The following PEPD variants were observed in gnomAD, a reference collection of about 807,000 sequenced individuals.
PEPD encodes the protein peptidase D.
A neutral mutation model predicts 60.7 loss-of-function variants in PEPD; 53 were observed. The ratio of observed to expected loss-of-function variants is 0.87; its 90% CI spans 0.70 to 1.10. PEPD has a LOEUF of 1.10. PEPD is among the 50% of genes least tolerant of loss of function. The pLI, the probability that PEPD is intolerant of heterozygous loss-of-function variation, is 0.00. For synonymous variants in PEPD, 267 were observed against 284.1 expected (o/e 0.94, Z 0.60); for missense variants, 711 against 711.9 (o/e 1.00, Z 0.01).
At chr19:33,521,656 C>G in intron 1 of PEPD, 88 bp downstream of exon 1, 1 of 1,404,470 alleles carries the variant, frequency 7.1e-7, no homozygotes, top group Non-Finnish European at 9.8e-7. Context: ...TCAGCGACCC[C>G]GGCTGACGCT....
At chr19:33,450,397 G>A (rs1969676301) in intron 9 of PEPD, among the ~76,000 whole-genome samples, 1 of 152,180 alleles carries the variant, frequency 6.6e-6, no homozygotes, top group South Asian at 2.1e-4. Context: ...TAAGCATCCA[G>A]GGCAAGAAAA....
Position 33,387,269 on chromosome 19 carries a change from T to G in PEPD, c.*75A>C, listed in dbSNP as rs1384545479. On this transcript the variant is annotated 3_prime_UTR_variant, in exon 15 of 15. Coordinates refer to ENST00000244137, the MANE Select transcript of PEPD (RefSeq NM_000285.4). Reference sequence around the variant, plus strand: ...GTGCCGTCTCTCGCTACTGGAGTGCTGACCAGCAGGCTGCCCATCACGAAA... The same window carrying G: ...GTGCCGTCTCTCGCTACTGGAGTGCGGACCAGCAGGCTGCCCATCACGAAA... 5.6e-5 allele frequency: 88 copies of G among 1,575,324 alleles called. No homozygotes were observed. The highest frequency in any genetic ancestry group is 6.8e-5 in the Non-Finnish European group (78 of 1,150,938).
At chr19:33,466,798 A>T (rs1329463977) in intron 7 of PEPD, among the ~76,000 whole-genome samples, 1 of 152,130 alleles carries the variant, frequency 6.6e-6, no homozygotes, top group East Asian at 1.9e-4. Flanking sequence ...TAATAAAAAA[A>T]CCATTCTTTA....
chr19:33,400,734 A>C (rs1968467817), intron 12 of PEPD, among the ~76,000 whole-genome samples: 1 of 152,150 alleles, frequency 6.6e-6, no homozygotes, highest in African/African-American at 2.4e-5. Context: ...ACATGAGAAG[A>C]CCACATCCCT....
chr19:33,395,235 T>G (rs886115825), intron 12 of PEPD: 6 of 152,442 alleles, frequency 3.9e-5, no homozygotes, highest in African/African-American at 1.4e-4. Context: ...CCCCTTCCTG[T>G]ACTTTGAGAA....
intron 1 of PEPD, among the ~76,000 whole-genome samples, chr19:33,517,001 A>G (rs2145362866): frequency 1.1e-3 from 1 of 900 alleles, no homozygotes; most frequent in East Asian, 0.038. Context: ...GCAACATGGC[A>G]AAACCCCCAT....
chr19:33,404,509 G>A (rs2145352144), intron 11 of PEPD, among the ~76,000 whole-genome samples: 1 of 152,248 alleles, frequency 6.6e-6, no homozygotes, highest in African/African-American at 2.4e-5. Flanking sequence ...CCCGAACAAT[G>A]AAATCATCTA....
At chr19:33,402,017 G>A in intron 11 of PEPD, 148 bp from the exon 12 acceptor site, 5 of 761,166 alleles carry the variant, frequency 6.6e-6, no homozygotes, top group Non-Finnish European at 9.2e-6. Context: ...GTGGGGAACT[G>A]CCACCTGGTG....
chr19:33,403,026 C>G (rs186117405), intron 11 of PEPD, among the ~76,000 whole-genome samples: 1 of 152,202 alleles, frequency 6.6e-6, no homozygotes, highest in Non-Finnish European at 1.5e-5. Context: ...TCCCGCTCAT[C>G]CTGTGGTGTG....
intron 14 of PEPD, 68 bp from the exon 15 acceptor site, chr19:33,387,549 C>A: frequency 1.3e-6 from 2 of 1,588,938 alleles, no homozygotes; most frequent in East Asian, 4.5e-5. Context: ...GGGCCGGGCC[C>A]ATTCCAGGCC....
At chr19:33,458,077 T>C (rs1022795076) in intron 9 of PEPD, among the ~76,000 whole-genome samples, 1 of 151,924 alleles carries the variant, frequency 6.6e-6, no homozygotes, top group African/African-American at 2.4e-5. Flanking sequence ...GTATGGTGTG[T>C]AGTGTGTGTA....
At position 33,387,493 on chromosome 19, in the gene PEPD, C is replaced by A; in HGVS notation, c.1345-12G>T. ...TCCTCGATGCGGACCTGGGTCAAGC[C>A]GACAGACACACATTATCATAGAGCA... On this transcript the variant is annotated splice_polypyrimidine_tract_variant and intron_variant, in intron 14 of 14. Transcript: ENST00000244137. 6.2e-7 allele frequency: 1 copy of A among 1,613,162 alleles called. No homozygotes were observed. The highest frequency in any genetic ancestry group is 8.5e-7 in the Non-Finnish European group (1 of 1,180,034).
intron 9 of PEPD, among the ~76,000 whole-genome samples, chr19:33,458,281 T>C: frequency 6.7e-6 from 1 of 149,588 alleles, no homozygotes; most frequent in South Asian, 2.1e-4. Flanking sequence ...TGGCATCAGA[T>C]GTGTGGTGAG....
In PEPD at chr19:33,493,311, C is replaced by G. The variant is rs1970535531; in HGVS notation, c.420G>C (p.Lys140Asn). Residue 140 changes from lysine to asparagine, a missense_variant, in exon 5 of 15, where the codon AAG becomes AAC. Physicochemically the swap from Lys to Asn is moderately conservative, Grantham distance 94. Coordinates refer to ENST00000244137, the MANE Select transcript of PEPD (RefSeq NM_000285.4). ...TTACCAAAGTGAGGAGGACAGAGGG[C>G]TTCTGTGACGTCAGGACGCTGGCAA... ...DEIASVLTSQ[K>N]PSVLLTLRGV... 1 of 1,613,546 alleles carries G rather than the reference C, an allele frequency of 6.2e-7. No individual in the cohort carries two copies. Among genetic ancestry groups the G allele is most frequent in the East Asian group, 2.2e-5 (1 of 44,860 alleles).
chr19:33,493,222 G>T, intron 5 of PEPD, 68 bp downstream of exon 5: 1 of 1,102,222 alleles, frequency 9.1e-7, no homozygotes, highest in East Asian at 2.4e-5. Context: ...CTCTGCAGGA[G>T]AGGTGGCCCC....
At chr19:33,402,058 C>A (rs1968510790) in intron 11 of PEPD, among the ~76,000 whole-genome samples, 189 bp from the exon 12 acceptor site, 1 of 152,154 alleles carries the variant, frequency 6.6e-6, no homozygotes, top group African/African-American at 2.4e-5. Flanking sequence ...AGCAAGGAAA[C>A]CCGAAGCCAT....
At chr19:33,451,909 A>G (rs1270901986) in intron 9 of PEPD, among the ~76,000 whole-genome samples, 1 of 152,246 alleles carries the variant, frequency 6.6e-6, no homozygotes, top group African/African-American at 2.4e-5. Flanking sequence ...AAAATCTATC[A>G]TGAATCACAA....
chr19:33,411,872 G>A (rs751691001), intron 10 of PEPD, 123 bp from the exon 11 acceptor site: 2 of 719,016 alleles, frequency 2.8e-6, no homozygotes, highest in Non-Finnish European at 5.1e-6. Flanking sequence ...ACAGGCCCAG[G>A]CGTGGCTGGA....
intron 11 of PEPD, among the ~76,000 whole-genome samples, chr19:33,407,457 G>A (rs1968656436): frequency 1.3e-5 from 2 of 152,216 alleles, no homozygotes; most frequent in Admixed American, 1.3e-4. Flanking sequence ...AGGAGAAGCA[G>A]GGGGATGAGT....
Sources: gnomAD v4.1 joint callset for allele counts (sites outside exome capture counted in the v4.1 genomes callset) on GRCh38, gnomAD v4.1.1 for gene constraint, MANE v1.5 for transcripts, NCBI Gene and HGNC (gene_info 2026-07-23, HGNC 2026-07-21) for gene names.